DNAH12: variants seen among roughly 807,000 people sequenced by gnomAD.
DNAH12 encodes the protein dynein axonemal heavy chain 12, also known as axonemal beta dynein heavy chain 12.
A neutral mutation model predicts 371.5 loss-of-function variants in DNAH12; 285 were observed. The observed-to-expected ratio is 0.77, with a 90% confidence interval of 0.70 to 0.85. The LOEUF (loss-of-function observed/expected upper bound fraction) is 0.85, where lower values mean the gene tolerates loss of function less well. Among genes scored for constraint, DNAH12 ranks in the 40% least tolerant of loss-of-function variants. The pLI, the probability that DNAH12 is intolerant of heterozygous loss-of-function variation, is 0.00. For missense variants in DNAH12, 3,611 were observed against 3,689.4 expected, an observed-to-expected ratio of 0.98 and a Z score of 0.55; for synonymous variants, 1,200 against 1,213.0, an observed-to-expected ratio of 0.99 and a Z score of 0.22.
At chr3:57,455,087 T>TA (rs1177226898) in intron 22 of DNAH12, among the ~76,000 whole-genome samples, 193 bp from the exon 23 acceptor site, 7 of 152,218 alleles carry the variant, frequency 4.6e-5, no homozygotes, top group African/African-American at 1.7e-4. Context: ...AATATTTATT[T>TA]ATAAAAGAAT....
upstream of DNAH12, among the ~76,000 whole-genome samples, chr3:57,548,339 G>A (rs908213356): frequency 7.9e-5 from 12 of 152,244 alleles, no homozygotes; most frequent in South Asian, 2.1e-4. Flanking sequence ...GTTTGAGGCC[G>A]AAAAGACTTA....
Position 57,542,672 on chromosome 3 carries a change from CAAGAATTATCT to C in DNAH12, c.170+18_170+28del. On this transcript the variant is annotated intron_variant, in intron 2 of 73. Coordinates refer to ENST00000495027, the MANE Select transcript of DNAH12 (RefSeq NM_001366028.2). ...CTAATCATTTTACTTGAATTCCAAG[CAAGAATTATCT>C]ACTAATATGCTACTTACACTAACTG... 6.5e-7 allele frequency: 1 copy of C among 1,527,028 alleles called. No homozygotes were observed. The highest frequency in any genetic ancestry group is 8.8e-7 in the Non-Finnish European group (1 of 1,139,742). 94.6% of individuals were successfully genotyped at this position (1,527,028 alleles called of 1,614,324 possible).
At chr3:57,444,611 T>G (rs1211965781) in intron 29 of DNAH12, 86 bp downstream of exon 29, 1 of 1,510,594 alleles carries the variant, frequency 6.6e-7, no homozygotes, top group African/African-American at 1.4e-5. Context: ...ACAGAATAAT[T>G]TCACACATTA....
At chr3:57,405,577 T>A (rs1553680821) in intron 41 of DNAH12, 76 bp downstream of exon 41, 3 of 1,405,330 alleles carry the variant, frequency 2.1e-6, no homozygotes, top group East Asian at 5.0e-5. Flanking sequence ...AAATGATTTT[T>A]AAAAATATAA....
intron 67 of DNAH12, 104 bp from the exon 68 acceptor site, chr3:57,309,958 G>A (rs1160403239): frequency 4.3e-6 from 4 of 937,054 alleles, no homozygotes; most frequent in African/African-American, 1.7e-5. Flanking sequence ...TAGGGGTTAT[G>A]TGAGTTGAAG....
At chr3:57,361,468 ATATC>A (rs1328639414) in intron 58 of DNAH12, among the ~76,000 whole-genome samples, 20 of 141,654 alleles carry the variant, frequency 1.4e-4, no homozygotes, top group African/African-American at 5.7e-4. Context: ...ATATATATAT[ATATC>A]TCATTCAGCT....
intron 2 of DNAH12, among the ~76,000 whole-genome samples, chr3:57,526,554 G>T (rs1271679530): frequency 2.3e-5 from 3 of 132,616 alleles, no homozygotes; most frequent in Non-Finnish European, 3.1e-5. Flanking sequence ...TTTTGAGACA[G>T]AGTCTGGCTC....
intron 32 of DNAH12, among the ~76,000 whole-genome samples, chr3:57,431,970 C>T (rs2064968458): frequency 6.6e-6 from 1 of 152,186 alleles, no homozygotes; most frequent in East Asian, 1.9e-4. Flanking sequence ...CTATAGCTGT[C>T]TTTTCATAAT....
Position 57,519,379 on chromosome 3 carries a change from G to A in DNAH12, c.279+4204C>T, listed in dbSNP as rs1200143080. On this transcript the variant is annotated intron_variant, in intron 4 of 73. Transcript: ENST00000495027. ...ATGGGTAAATTATAAAGGTGATTCAGTTTGGAGTTCTCTCCTTTTTTATAG... is the reference window on the plus strand; with the variant it reads ...ATGGGTAAATTATAAAGGTGATTCAATTTGGAGTTCTCTCCTTTTTTATAG... Among the ~76,000 whole-genome samples the A allele has an allele frequency of 2.0e-5, 3 of 152,314 alleles. No individual in the cohort carries two copies. The East Asian group carries it at 5.8e-4, about 29-fold the overall frequency.
chr3:57,417,859 GA>G (rs917949080), intron 37 of DNAH12, among the ~76,000 whole-genome samples: 16 of 151,884 alleles, frequency 1.1e-4, no homozygotes, highest in African/African-American at 3.1e-4. Flanking sequence ...GATATAAAAA[GA>G]AAAAAACAGG....
Position 57,352,221 on chromosome 3 carries a change from T to G in DNAH12, c.9538A>C (p.Lys3180Gln), listed in dbSNP as rs939927693. Reference sequence around the variant, plus strand: ...AGGCGCTTTTCCAAAATCTTGGATTTGTTACTAAAGTTAAAAAGAAGGAAA... The same window carrying G: ...AGGCGCTTTTCCAAAATCTTGGATTGGTTACTAAAGTTAAAAAGAAGGAAA... ...LYINSIHDSN[K>Q]SKILEKRLRY... Residue 3180 changes from lysine to glutamine, a missense_variant, in exon 60 of 74, where the codon AAA (lysine) becomes CAA (glutamine). By Grantham distance (53) the Lys-to-Gln change is moderately conservative. Transcript: ENST00000495027. The G allele has an allele frequency of 3.5e-5, 53 of 1,530,552 alleles. No homozygotes were observed. In the African/African-American group the frequency reaches 4.9e-4, roughly 14 times the overall value. The allele number at this position is 1,530,552 out of a possible 1,614,324, so 94.8% of individuals were successfully genotyped here.
the DNAH12 span, among the ~76,000 whole-genome samples, chr3:57,555,850 C>T: frequency 1.3e-5 from 2 of 152,254 alleles, no homozygotes; most frequent in Non-Finnish European, 1.5e-5. Context: ...AACGAGCGAT[C>T]AGGGTCGGCA....
In DNAH12 at chr3:57,301,934, A is replaced by G. The variant is rs1340346920; in HGVS notation, c.11195T>C (p.Ile3732Thr). ...VQEMERFNNL[I>T]ITIRNTLRDL... ...CCGTAGAGTGTTACGTATAGTTATA[A>G]TTAAACTGCAATGAAAGAAATTATG... Residue 3732 changes from isoleucine to threonine, a missense_variant, in exon 70 of 74, where the codon ATT becomes ACT. This residue lies in a region of DNAH12 where 2,266 missense variants were observed against 2,236.9 expected (regional missense o/e 1.01). Transcript: ENST00000495027. The G allele has an allele frequency of 2.6e-6, 4 of 1,551,448 alleles. No individual in the cohort carries two copies. The South Asian group carries it at 3.6e-5, about 14-fold the overall frequency.
rs749735266 is a variant in DNAH12, at chr3:57,419,451, T to A, written c.5630A>T (p.Gln1877Leu). ...LIKNTNLGDK[Q>L]IKIQDIIVPT... ...GACTATGATATCTTGAATCTTGATT[T>A]GTTTATCTCCTAAATTAGTATTTTT... Residue 1877 changes from glutamine (Q) to leucine (L), a missense_variant, in exon 37 of 74, where the codon CAA becomes CTA. Around this residue, in one of 3 missense-constraint regions of DNAH12, gnomAD observed 2,266 missense variants for 2,236.9 expected, o/e 1.01. Transcript: ENST00000495027. 1 of 1,505,884 alleles carries A rather than the reference T, an allele frequency of 6.6e-7. No individual in the cohort carries two copies. Among genetic ancestry groups the A allele is most frequent in the Non-Finnish European group, 8.8e-7 (1 of 1,130,116 alleles). The allele number at this position is 1,505,884 out of a possible 1,614,324, so 93.3% of individuals were successfully genotyped here.
At chr3:57,323,290 T>C in intron 63 of DNAH12, 30 bp from the exon 64 acceptor site, 1 of 1,540,534 alleles carries the variant, frequency 6.5e-7, no homozygotes, top group Non-Finnish European at 8.7e-7. Context: ...ATGGTCACAC[T>C]ACTTACTCTA....
rs774785613 is a variant in DNAH12, at chr3:57,295,460, C to T, written c.11692+65G>A. The T allele has an allele frequency of 2.1e-5, 28 of 1,338,022 alleles. No individual in the cohort carries two copies. The East Asian group carries it at 3.9e-4, about 19-fold the overall frequency. The allele number at this position is 1,338,022 out of a possible 1,614,324, so 82.9% of individuals were successfully genotyped here. On this transcript the variant is annotated intron_variant, in intron 73 of 73. Coordinates refer to ENST00000495027, the MANE Select transcript of DNAH12 (RefSeq NM_001366028.2). Reference sequence around the variant, plus strand: ...TTGAGCAAAAACTTATTTTGGGGAGCAGTGTATAATATCCATCCTTATTCT... The same window carrying T: ...TTGAGCAAAAACTTATTTTGGGGAGTAGTGTATAATATCCATCCTTATTCT...
chr3:57,433,605 C>T (rs1252308179), intron 31 of DNAH12, 40 bp downstream of exon 31: 80 of 1,535,516 alleles, frequency 5.2e-5, no homozygotes, highest in Admixed American at 8.3e-5. Context: ...TTAACAGGCA[C>T]TTTCCATAAG....
chr3:57,386,048 G>A (rs989287433), intron 47 of DNAH12, among the ~76,000 whole-genome samples: 3,597 of 151,776 alleles, frequency 0.024, 67 homozygotes, highest in Admixed American at 0.035. Context: ...TATTACTTAC[G>A]TTGAACTAAC....
At chr3:57,324,898 A>C (rs2153298041) in intron 62 of DNAH12, among the ~76,000 whole-genome samples, 1 of 152,274 alleles carries the variant, frequency 6.6e-6, no homozygotes, top group African/African-American at 2.4e-5. Flanking sequence ...GGCTTAAAAA[A>C]CGGCACACCA....
Sources: gnomAD v4.1 joint callset for allele counts (sites outside exome capture counted in the v4.1 genomes callset) on GRCh38, gnomAD v4.1.1 for gene constraint, gnomAD v4.1.1 regional missense constraint, MANE v1.5 for transcripts, NCBI Gene and HGNC (gene_info 2026-07-23, HGNC 2026-07-21) for gene names.